The following WNK2 variants were observed in gnomAD, a reference collection of about 807,000 sequenced individuals.
WNK2 encodes the protein WNK lysine deficient protein kinase 2, also known as serine/threonine-protein kinase WNK2.
In WNK2, 67 loss-of-function variants were observed where a neutral mutation model predicts 192.1. The observed-to-expected ratio is 0.35, with a 90% CI of 0.29 to 0.43. The LOEUF is 0.43. Ranked by LOEUF, WNK2 falls within the 20% of genes least tolerant of loss-of-function variation. The pLI is 1.00. For synonymous variants in WNK2, 1,439 were observed against 1,393.9 expected, an observed-to-expected ratio of 1.03 and a Z score of -0.72; for missense variants, 2,698 against 3,089.7, an observed-to-expected ratio of 0.87 and a Z score of 3.01.
At chr9:93,249,040 A>G (rs759312006) in intron 8 of WNK2, among the ~76,000 whole-genome samples, 1 of 152,234 alleles carries the variant, frequency 6.6e-6, no homozygotes, top group Non-Finnish European at 1.5e-5. Context: ...TTTGCCTACT[A>G]TTTATGTCAC....
chr9:93,286,687 G>T (rs1433232316), intron 19 of WNK2, among the ~76,000 whole-genome samples: 1 of 152,148 alleles, frequency 6.6e-6, no homozygotes, highest in African/African-American at 2.4e-5. Flanking sequence ...TTGAAAACAA[G>T]GTTTGGAAGA....
intron 7 of WNK2, among the ~76,000 whole-genome samples, chr9:93,242,773 A>G (rs2132353849): frequency 6.6e-6 from 1 of 152,290 alleles, no homozygotes; most frequent in East Asian, 1.9e-4. Flanking sequence ...AGGATGAGGA[A>G]GGTCCTGGGG....
chr9:93,261,680 T>TC (rs1844279822), intron 12 of WNK2, 134 bp from the exon 13 acceptor site: 2 of 996,446 alleles, frequency 2.0e-6, no homozygotes, highest in African/African-American at 3.2e-5. Flanking sequence ...AGACAGGGAC[T>TC]CCCCTTGGGG....
chr9:93,316,584 A>G (rs1474505534), intron 28 of WNK2: 1 of 152,198 alleles, frequency 6.6e-6, no homozygotes, highest in Non-Finnish European at 1.5e-5. Flanking sequence ...ACTATGGTTG[A>G]CTTTCGTACC....
rs1849643050 is a variant in WNK2, at chr9:93,293,143, T to A, written c.5678T>A (p.Ile1893Lys). 3 of 1,560,138 alleles carry A rather than the reference T, an allele frequency of 1.9e-6. No individual in the cohort carries two copies. The highest frequency in any genetic ancestry group is 2.6e-6 in the Non-Finnish European group (3 of 1,155,846). The stretch of plus-strand genomic sequence containing the variant: ...GATTCGGAGCTCGAGGATGCTGACA[T>A]AAAGAAGGAGCTGCAGAGTCTGCGG... The part of the protein sequence containing the change: ...DNDSELEDAD[I>K]KKELQSLREK... The change falls in exon 23 of 30, where the codon ATA becomes AAA. Residue 1893 changes from isoleucine to lysine, a missense_variant. Ile to Lys is a moderately radical substitution (Grantham distance 102). Around this residue, in one of 7 missense-constraint regions of WNK2, gnomAD observed 1,098 missense variants for 1,101.0 expected, o/e 1.00. Transcript: ENST00000427277.
intron 14 of WNK2, 137 bp from the exon 15 acceptor site, chr9:93,263,429 A>G: frequency 1.0e-6 from 1 of 990,768 alleles, no homozygotes. Flanking sequence ...GGGTATTCGC[A>G]CAGGACGGGC....
chr9:93,268,303 C>G (rs1332663549), intron 18 of WNK2, among the ~76,000 whole-genome samples: 2 of 152,132 alleles, frequency 1.3e-5, no homozygotes, highest in African/African-American at 4.8e-5. Context: ...GGGGTCCTCT[C>G]GGGAGCTTCG....
rs866304902 is a variant in WNK2, at chr9:93,214,716, T to A, written c.682-14980T>A. Among the ~76,000 whole-genome samples, 471 of 58,622 alleles carry A rather than the reference T, an allele frequency of 8.0e-3. 4 individuals are homozygous for A. Among genetic ancestry groups the A allele is most frequent in the African/African-American group, 0.025 (426 of 16,874 alleles). The allele number at this position is 58,622 out of a possible 152,430, so 38.5% of individuals were successfully genotyped here. On this transcript the variant is annotated intron_variant, in intron 2 of 29. Coordinates refer to ENST00000427277, the MANE Select transcript of WNK2 (RefSeq NM_006648.4). ...GGTAGTGCCCCCCCCCCCCCCGCCCTCTCTTTGCTGAGTTTAAGATATTCT... is the reference window on the plus strand; with the variant it reads ...GGTAGTGCCCCCCCCCCCCCCGCCCACTCTTTGCTGAGTTTAAGATATTCT...
intron 19 of WNK2, among the ~76,000 whole-genome samples, chr9:93,274,724 GA>G (rs1254210296): frequency 6.6e-6 from 1 of 152,102 alleles, no homozygotes; most frequent in Non-Finnish European, 1.5e-5. Context: ...AGAATAATCT[GA>G]ATAGCCCTGT....
At chr9:93,300,742 G>A (rs1177591912) in intron 26 of WNK2, among the ~76,000 whole-genome samples, 1 of 152,146 alleles carries the variant, frequency 6.6e-6, no homozygotes, top group Non-Finnish European at 1.5e-5. Flanking sequence ...CCACCGCCCT[G>A]TGCCCTGCAT....
intron 2 of WNK2, among the ~76,000 whole-genome samples, chr9:93,206,521 G>A (rs1242186489): frequency 1.3e-5 from 2 of 150,836 alleles, no homozygotes; most frequent in Non-Finnish European, 3.0e-5. Context: ...GACTGGGGGT[G>A]GGGGTGGATT....
chr9:93,319,010 T>C, intron 29 of WNK2: 1 of 1,521,308 alleles, frequency 6.6e-7, no homozygotes, highest in Non-Finnish European at 8.8e-7. Flanking sequence ...CAGAATCTTC[T>C]GCCAGGGCAC....
chr9:93,219,432 G>T (rs149532023), intron 2 of WNK2, among the ~76,000 whole-genome samples: 11 of 152,252 alleles, frequency 7.2e-5, no homozygotes, highest in African/African-American at 2.7e-4. Context: ...ATCCAAAAGT[G>T]TGGATATGGA....
intron 19 of WNK2, among the ~76,000 whole-genome samples, chr9:93,275,482 A>G (rs936745957): frequency 6.6e-6 from 1 of 152,154 alleles, no homozygotes; most frequent in African/African-American, 2.4e-5. Flanking sequence ...ATACATACAC[A>G]CAACATAAAA....
intron 8 of WNK2, among the ~76,000 whole-genome samples, chr9:93,251,208 T>C (rs1225318491): frequency 1.3e-5 from 2 of 152,098 alleles, no homozygotes; most frequent in East Asian, 3.9e-4. Context: ...CACCATCTCC[T>C]GGGTTCAAGC....
chr9:93,318,012 C>T (rs556264308), intron 29 of WNK2: 2 of 1,612,822 alleles, frequency 1.2e-6, no homozygotes, highest in East Asian at 2.2e-5. Flanking sequence ...CGGCTTCAGA[C>T]CCTGTTCGCT....
intron 2 of WNK2, 75 bp downstream of exon 2, chr9:93,185,685 C>T: frequency 2.0e-6 from 3 of 1,520,328 alleles, no homozygotes; most frequent in East Asian, 2.4e-5. Context: ...TGTCCTTGCT[C>T]CTGCGCCTGG....
rs778517147 is a variant in WNK2, at chr9:93,185,326, G to C, written c.397G>C (p.Val133Leu). ...EPGPDPIAAAVETAPAPDGGP... is the reference protein window; with the variant it reads ...EPGPDPIAAALETAPAPDGGP... ...CGGCCCGGACCCCATCGCAGCCGCT[G>C]TCGAAACCGCGCCTGCCCCCGACGG... is the stretch of plus-strand genomic sequence containing the variant. Residue 133 changes from valine to leucine, a missense_variant, in exon 2 of 30, where the codon GTC becomes CTC. Around this residue, in one of 7 missense-constraint regions of WNK2, gnomAD observed 260 missense variants for 285.6 expected, o/e 0.91. Transcript: ENST00000427277. 414 of 1,526,602 alleles carry C rather than the reference G, an allele frequency of 2.7e-4. 1 individual carries two copies. Among genetic ancestry groups the C allele is most frequent in the Non-Finnish European group, 3.5e-4 (403 of 1,140,620 alleles). The allele number at this position is 1,526,602 out of a possible 1,614,324, so 94.6% of individuals were successfully genotyped here. A position where few individuals can be genotyped will look rare whatever the true frequency, so the allele number is the denominator to read the frequency against.
At chr9:93,304,376 G>T (rs1026360567) in intron 26 of WNK2, among the ~76,000 whole-genome samples, 2 of 152,252 alleles carry the variant, frequency 1.3e-5, no homozygotes, top group Non-Finnish European at 2.9e-5. Flanking sequence ...CCTGTGTGCT[G>T]CCACTTTTAC....
Sources: allele counts gnomAD v4.1 joint callset (sites outside exome capture counted in the v4.1 genomes callset), GRCh38; gene constraint gnomAD v4.1.1; regional missense constraint gnomAD v4.1.1; transcripts MANE v1.5; gene names NCBI Gene and HGNC (gene_info 2026-07-23, HGNC 2026-07-21).